HDAC9: variants seen among roughly 807,000 people sequenced by gnomAD.
HDAC9 encodes the protein histone deacetylase 9.
Under a neutral mutation model 139.4 loss-of-function variants are expected in HDAC9, and 41 were observed. The ratio of observed to expected loss-of-function variants is 0.29; its 90% confidence interval spans 0.23 to 0.38. HDAC9 has a LOEUF of 0.38. Ranked by LOEUF, HDAC9 falls within the 10% of genes least tolerant of loss-of-function variation. The probability of loss-of-function intolerance (pLI) is 1.00; values close to 1 mark genes in which losing one functional copy is unlikely to be tolerated. For missense variants in HDAC9, 1,147 were observed against 1,297.0 expected (o/e 0.88, Z 1.78); for synonymous variants, 517 against 476.2 (o/e 1.09, Z -1.12).
intron 8 of HDAC9, among the ~76,000 whole-genome samples, chr7:18,644,264 T>C (rs1455892760): frequency 6.6e-6 from 1 of 152,120 alleles, no homozygotes; most frequent in Non-Finnish European, 1.5e-5. Context: ...TAAAATGACA[T>C]TAAATGAAGA....
chr7:18,259,447 C>G (rs891459163), intron 2 of HDAC9, among the ~76,000 whole-genome samples: 1 of 152,224 alleles, frequency 6.6e-6, no homozygotes, highest in African/African-American at 2.4e-5. Context: ...ACAGCAACCT[C>G]TGCCTCCCAG....
intron 2 of HDAC9, among the ~76,000 whole-genome samples, chr7:18,563,666 A>T (rs1056553249): frequency 1.3e-5 from 2 of 152,142 alleles, no homozygotes; most frequent in African/African-American, 4.8e-5. Context: ...GTATTTGCCC[A>T]TATCATACTC....
intron 1 of HDAC9, among the ~76,000 whole-genome samples, chr7:18,305,283 G>C (rs900919428): frequency 1.3e-5 from 2 of 152,124 alleles, no homozygotes; most frequent in African/African-American, 4.8e-5. Flanking sequence ...CCACCAACCA[G>C]TGCATGTAGA....
At chr7:18,477,369 C>G (rs1795190219) in intron 1 of HDAC9, among the ~76,000 whole-genome samples, 2 of 152,062 alleles carry the variant, frequency 1.3e-5, no homozygotes, top group Admixed American at 6.6e-5. Flanking sequence ...CAAAGGCTGA[C>G]AAACAGGGTG....
chr7:18,885,134 AC>A (rs1308380756), intron 22 of HDAC9, among the ~76,000 whole-genome samples: 1 of 152,240 alleles, frequency 6.6e-6, no homozygotes, highest in Non-Finnish European at 1.5e-5. Context: ...GTTATCAAGG[AC>A]TGCGGAGGGC....
At chr7:18,513,206 T>C (rs1177412494) in intron 2 of HDAC9, among the ~76,000 whole-genome samples, 1 of 152,194 alleles carries the variant, frequency 6.6e-6, no homozygotes, top group Non-Finnish European at 1.5e-5. Flanking sequence ...GGATCTTGCA[T>C]TGTATAGAGG....
At chr7:18,970,455 C>A (rs1191683270) in intron 24 of HDAC9, among the ~76,000 whole-genome samples, 2 of 152,068 alleles carry the variant, frequency 1.3e-5, no homozygotes, top group Non-Finnish European at 2.9e-5. Flanking sequence ...TCTTGGCCAA[C>A]AAATATTTCC....
In HDAC9 at chr7:18,421,337, TAAAAAC is replaced by T. The variant is rs1789595960; in HGVS notation, c.-41-74923_-41-74918del. On this transcript the variant is annotated intron_variant, in intron 1 of 3. Transcript: ENST00000413509. ...TAAAATGAGAAAATATGACATCTCT[TAAAAAC>T]AGAAAAAAGGAAGGAAGGGGGAAGG... Among the ~76,000 whole-genome samples the T allele has an allele frequency of 3.0e-5, 4 of 134,570 alleles. No individual in the cohort carries two copies. In the Admixed American group the frequency reaches 3.3e-4, roughly 11 times the overall value. 88.3% of individuals were successfully genotyped at this position (134,570 alleles called of 152,430 possible). A position where few individuals can be genotyped will look rare whatever the true frequency, so the allele number is the denominator to read the frequency against.
chr7:18,309,621 T>TGG (rs1211199542), intron 1 of HDAC9, among the ~76,000 whole-genome samples: 1 of 152,164 alleles, frequency 6.6e-6, no homozygotes, highest in Admixed American at 6.5e-5. Flanking sequence ...AGGGAACATT[T>TGG]GGGGACTGTT....
At chr7:18,728,076 C>A (rs1584924730) in intron 13 of HDAC9, among the ~76,000 whole-genome samples, 1 of 152,162 alleles carries the variant, frequency 6.6e-6, no homozygotes, top group Non-Finnish European at 1.5e-5. Flanking sequence ...TTACCTTCTG[C>A]CCAGTCACTA....
chr7:18,453,594 C>T (rs1793080095), intron 1 of HDAC9, among the ~76,000 whole-genome samples: 1 of 152,170 alleles, frequency 6.6e-6, no homozygotes, highest in Non-Finnish European at 1.5e-5. Context: ...ACAAGTGCCA[C>T]ATATTTGCTA....
intron 21 of HDAC9, 37 bp from the exon 22 acceptor site, chr7:18,874,441 A>C: frequency 1.5e-6 from 2 of 1,301,288 alleles, no homozygotes; most frequent in Non-Finnish European, 2.2e-6. Flanking sequence ...GGTATTCACC[A>C]GTCCCACGTG....
chr7:18,938,355 G>A (rs1156300976), intron 23 of HDAC9, among the ~76,000 whole-genome samples: 3 of 152,066 alleles, frequency 2.0e-5, no homozygotes, highest in South Asian at 4.1e-4. Flanking sequence ...CAGCACTTTG[G>A]GAGGCCGAGG....
chr7:18,174,131 A>C (rs886593523), intron 2 of HDAC9, among the ~76,000 whole-genome samples: 12 of 152,060 alleles, frequency 7.9e-5, no homozygotes, highest in Non-Finnish European at 5.9e-5. Flanking sequence ...TATTTCTTGG[A>C]GGCTTTGTTT....
Position 19,000,327 on chromosome 7 carries a change from C to T in HDAC9, c.*4265C>T, listed in dbSNP as rs1037161054. On this transcript the variant is annotated 3_prime_UTR_variant, in exon 26 of 26. Coordinates refer to ENST00000686413, the MANE Select transcript of HDAC9 (RefSeq NM_178425.4). ...TAAATATGTAAGTTCCTATATGTGA[C>T]TTTTTCTGGGCATATTTGCATCAAA... 1 of 152,174 alleles carries T rather than the reference C, an allele frequency of 6.6e-6. No homozygotes were observed. Among genetic ancestry groups the T allele is most frequent in the Non-Finnish European group, 1.5e-5 (1 of 68,018 alleles). The allele number at this position is 152,174 out of a possible 1,614,324, so 9.4% of individuals were successfully genotyped here.
At chr7:18,960,387 GTTA>G (rs958917844) in intron 24 of HDAC9, among the ~76,000 whole-genome samples, 2 of 151,904 alleles carry the variant, frequency 1.3e-5, no homozygotes, top group African/African-American at 4.8e-5. Flanking sequence ...CTTCCTCTAT[GTTA>G]TTGTTATTCT....
At chr7:18,764,627 GTTGT>G (rs913876901) in intron 15 of HDAC9, among the ~76,000 whole-genome samples, 11 of 151,990 alleles carry the variant, frequency 7.2e-5, no homozygotes, top group African/African-American at 1.7e-4. Context: ...TATTGTTGTT[GTTGT>G]TTGTTTGTTT....
At chr7:18,924,310 C>G (rs1179723430) in intron 22 of HDAC9, among the ~76,000 whole-genome samples, 2 of 151,980 alleles carry the variant, frequency 1.3e-5, no homozygotes, top group Non-Finnish European at 2.9e-5. Context: ...CTATGGAATT[C>G]TTAATCTTTA....
At chr7:18,155,842 G>A (rs1422092947) in intron 1 of HDAC9, among the ~76,000 whole-genome samples, 1 of 152,136 alleles carries the variant, frequency 6.6e-6, no homozygotes, top group Non-Finnish European at 1.5e-5. Flanking sequence ...AAAAGTAATT[G>A]ATATGCCAGT....
Sources: allele counts gnomAD v4.1 joint callset (sites outside exome capture counted in the v4.1 genomes callset), GRCh38; gene constraint gnomAD v4.1.1; transcripts MANE v1.5; gene names NCBI Gene and HGNC (gene_info 2026-07-23, HGNC 2026-07-21).